Variants in MRS2 observed in about 807,000 individuals in gnomAD.
MRS2 encodes the protein magnesium transporter MRS2.
In MRS2, 40 loss-of-function variants were observed where a neutral mutation model predicts 52.6. That is an observed-to-expected ratio of 0.76 (90% CI 0.59 to 0.99). The LOEUF is 0.99. Among genes scored for constraint, MRS2 ranks in the 50% least tolerant of loss-of-function variants. The pLI, the probability that MRS2 is intolerant of heterozygous loss-of-function variation, is 0.00. For synonymous variants in MRS2, 193 were observed against 195.9 expected, an observed-to-expected ratio of 0.98 and a Z score of 0.13; for missense variants, 472 against 532.7, an observed-to-expected ratio of 0.89 and a Z score of 1.12.
At chr6:24,412,772 A>G (rs373848979) in intron 5 of MRS2, among the ~76,000 whole-genome samples, 23 of 152,180 alleles carry the variant, frequency 1.5e-4, no homozygotes, top group African/African-American at 4.8e-4. Context: ...CCTCCTTTAA[A>G]TTAAGAGTCC....
chr6:24,412,167 ATGTG>A, intron 4 of MRS2, 51 bp from the exon 5 acceptor site: 1 of 986,640 alleles, frequency 1.0e-6, no homozygotes, highest in Non-Finnish European at 1.5e-6. Context: ...ATATACATGC[ATGTG>A]TGTATATACA....
At chr6:24,414,981 A>G in intron 5 of MRS2, 52 bp from the exon 6 acceptor site, 1 of 1,497,276 alleles carries the variant, frequency 6.7e-7, no homozygotes, top group Non-Finnish European at 9.1e-7. Flanking sequence ...CTGATCCTGA[A>G]TATTCTAAAA....
rs772089844 is a variant in MRS2, at chr6:24,412,234, G to A, written c.427G>A (p.Val143Met). The A allele has an allele frequency of 1.3e-6, 2 of 1,537,864 alleles. No individual in the cohort carries two copies. The highest frequency in any genetic ancestry group is 2.2e-5 in the Admixed American group (1 of 44,790). The change falls in exon 5 of 11, where the codon GTG (valine) becomes ATG (methionine). Residue 143 changes from valine to methionine, a missense_variant. Transcript: ENST00000378386. ...TTTTTTTTAACAGTATTTGAAAGCT[G>A]TGATAACTCCAGAGTGTCTTCTGAT... ...IIMRMEYLKA[V>M]ITPECLLILD...
At chr6:24,420,309 C>T (rs79596705) in intron 9 of MRS2, among the ~76,000 whole-genome samples, 3,022 of 152,286 alleles carry the variant, frequency 0.02, 80 homozygotes, top group African/African-American at 0.066. Context: ...GTTACTTTGT[C>T]GTCTGCGCCC....
intron 4 of MRS2, among the ~76,000 whole-genome samples, chr6:24,411,060 G>T (rs1054175961): frequency 9.2e-5 from 14 of 151,382 alleles, no homozygotes; most frequent in African/African-American, 2.9e-4. Flanking sequence ...CATGGTGGCG[G>T]GTGCCTGTAA....
In MRS2 at chr6:24,408,452, AT is replaced by A; in HGVS notation, c.301+10del. On this transcript the variant is annotated intron_variant, in intron 3 of 10. Coordinates refer to ENST00000378386, the MANE Select transcript of MRS2 (RefSeq NM_020662.4). Reference sequence around the variant, plus strand: ...GAAACGTTACTTCTTTTGGTGAGTGATTAGCATTCTAAATCATTTTTTAAAC... The same window carrying A: ...GAAACGTTACTTCTTTTGGTGAGTGATAGCATTCTAAATCATTTTTTAAAC... 2 of 1,574,364 alleles carry A rather than the reference AT, an allele frequency of 1.3e-6. No individual in the cohort carries two copies. Among genetic ancestry groups the A allele is most frequent in the Non-Finnish European group, 1.7e-6 (2 of 1,145,510 alleles).
Position 24,423,051 on chromosome 6 carries a change from G to T in MRS2, c.1221+1G>T, listed in dbSNP as rs1201895261. On this transcript the variant is annotated splice_donor_variant, in intron 10 of 10. Transcript: ENST00000378386. LOFTEE classifies it high-confidence loss of function. ...GCTAGAAGCTCCATTGCCTCCTATG[G>T]TATGAAGGATATGGTTCACGGCGGT... 1 of 1,611,342 alleles carries T rather than the reference G, an allele frequency of 6.2e-7. No individual in the cohort carries two copies. The highest frequency in any genetic ancestry group is 1.1e-5 in the South Asian group (1 of 91,006).
intron 7 of MRS2, among the ~76,000 whole-genome samples, 186 bp from the exon 8 acceptor site, chr6:24,417,898 C>T (rs184567506): frequency 1.6e-3 from 242 of 151,180 alleles, no homozygotes; most frequent in African/African-American, 5.5e-3. Flanking sequence ...GCCGAGATCG[C>T]GCCACTACAC....
At chr6:24,416,325 C>T in intron 6 of MRS2, 72 bp from the exon 7 acceptor site, 1 of 654,028 alleles carries the variant, frequency 1.5e-6, no homozygotes, top group Non-Finnish European at 2.7e-6. Context: ...ATAAGATACT[C>T]TAAAAACACT....
chr6:24,417,638 C>T (rs1761893191), intron 7 of MRS2, among the ~76,000 whole-genome samples: 2 of 152,094 alleles, frequency 1.3e-5, no homozygotes, highest in Admixed American at 1.3e-4. Flanking sequence ...ACAGATTGGC[C>T]ACAACAATAG....
At position 24,418,568 on chromosome 6, in the gene MRS2, C is replaced by T. The variant is rs1307990718; in HGVS notation, c.1097C>T (p.Ser366Phe). 1 of 1,609,504 alleles carries T rather than the reference C, an allele frequency of 6.2e-7. No individual in the cohort carries two copies. Among genetic ancestry groups the T allele is most frequent in the African/African-American group, 1.3e-5 (1 of 74,798 alleles). The part of the protein sequence containing the change: ...GVAFGMNLES[S>F]LEEDHRIFWL... ...GCTTTTGGAATGAATTTGGAATCTTCCCTTGAAGAGGTGAGAATGTATTAT... is the reference window on the plus strand; with the variant it reads ...GCTTTTGGAATGAATTTGGAATCTTTCCTTGAAGAGGTGAGAATGTATTAT... Residue 366 changes from serine (S) to phenylalanine (F), a missense_variant, in exon 9 of 11, where the codon TCC becomes TTC. Ser to Phe is a radical substitution (Grantham distance 155, BLOSUM62 -2). Coordinates refer to ENST00000378386, the MANE Select transcript of MRS2 (RefSeq NM_020662.4).
intron 5 of MRS2, 66 bp from the exon 6 acceptor site, chr6:24,414,967 T>C: frequency 7.1e-7 from 1 of 1,400,894 alleles, no homozygotes; most frequent in Non-Finnish European, 9.7e-7. Flanking sequence ...AATCAGAGGA[T>C]TCACTGATCC....
chr6:24,423,558 A>G (rs1471785534), intron 10 of MRS2, 26 bp from the exon 11 acceptor site: 4 of 1,361,870 alleles, frequency 2.9e-6, no homozygotes, highest in African/African-American at 1.5e-5. Context: ...AAAAGATACT[A>G]AAATTAATAC....
rs149405836 is a variant in MRS2, at chr6:24,423,766, T to C, written c.*72T>C. 2.4e-3 allele frequency: 1,635 copies of C among 689,988 alleles called. 20 individuals carry two copies. In the African/African-American group the frequency reaches 0.025, roughly 10 times the overall value. 42.7% of individuals were successfully genotyped at this position (689,988 alleles called of 1,614,324 possible). A position where few individuals can be genotyped will look rare whatever the true frequency, so the allele number is the denominator to read the frequency against. ...AACTTCTGATACTCTTTTTATTATT[T>C]TCTTGTATAGAGTCAGACACTTGAA... On this transcript the variant is annotated 3_prime_UTR_variant, in exon 11 of 11. Transcript: ENST00000378386.
At chr6:24,422,081 C>T (rs1251792637) in intron 9 of MRS2, among the ~76,000 whole-genome samples, 2 of 152,254 alleles carry the variant, frequency 1.3e-5, no homozygotes, top group East Asian at 1.9e-4. Flanking sequence ...ATCAGGTAGA[C>T]GGAGGTTGCA....
chr6:24,409,422 T>C, intron 3 of MRS2, 39 bp from the exon 4 acceptor site: 4 of 1,246,886 alleles, frequency 3.2e-6, no homozygotes, highest in Non-Finnish European at 4.6e-6. Flanking sequence ...AGCCATTTAA[T>C]GTATTTGGTT....
intron 2 of MRS2, 108 bp from the exon 3 acceptor site, chr6:24,408,300 T>G (rs1761540675): frequency 5.7e-6 from 4 of 702,748 alleles, no homozygotes; most frequent in Admixed American, 2.3e-5. Context: ...TTTCAACATT[T>G]TGGGGATATT....
intron 8 of MRS2, 64 bp from the exon 9 acceptor site, chr6:24,418,397 T>C: frequency 6.2e-7 from 1 of 1,601,970 alleles, no homozygotes; most frequent in Non-Finnish European, 8.5e-7. Flanking sequence ...CTGTATAGAT[T>C]TGATGAATGT....
At chr6:24,421,234 A>T (rs1156564249) in intron 9 of MRS2, among the ~76,000 whole-genome samples, 1 of 152,170 alleles carries the variant, frequency 6.6e-6, no homozygotes, top group African/African-American at 2.4e-5. Context: ...GATTTTTCAA[A>T]TTCCTTTCTT....
Sources: gnomAD v4.1 joint callset for allele counts (sites outside exome capture counted in the v4.1 genomes callset) on GRCh38, gnomAD v4.1.1 for gene constraint, MANE v1.5 for transcripts, NCBI Gene and HGNC (gene_info 2026-07-23, HGNC 2026-07-21) for gene names.